The following WAC variants were observed in gnomAD, a reference collection of about 807,000 sequenced individuals.
WAC encodes WW domain-containing adapter protein with coiled-coil.
WAC carries 11 observed loss-of-function variants against 79.6 expected under a neutral mutation model. The ratio of observed to expected loss-of-function variants is 0.14; its 90% confidence interval spans 0.09 to 0.23. The LOEUF (loss-of-function observed/expected upper bound fraction) is 0.23. Ranked by LOEUF, WAC falls within the 10% of genes least tolerant of loss-of-function variation. The pLI is 1.00. For synonymous variants in WAC, 304 were observed against 276.9 expected, an observed-to-expected ratio of 1.10 and a Z score of -0.97; for missense variants, 728 against 773.5, an observed-to-expected ratio of 0.94 and a Z score of 0.70.
chr10:28,552,228 A>G (rs1199423590), intron 3 of WAC, among the ~76,000 whole-genome samples: 2 of 152,178 alleles, frequency 1.3e-5, no homozygotes, highest in African/African-American at 4.8e-5. Context: ...TGGTTTTTGA[A>G]AAGCCATCTT....
At chr10:28,585,787 T>A (rs1002665918) in intron 4 of WAC, among the ~76,000 whole-genome samples, 1 of 152,126 alleles carries the variant, frequency 6.6e-6, no homozygotes, top group African/African-American at 2.4e-5. Context: ...GTTTTTTTTT[T>A]ATTTTGTAAA....
chr10:28,619,588 GAAT>G lies in WAC; in HGVS notation c.1927_1929del (p.Asn643del). 2 of 1,577,464 alleles carry G rather than the reference GAAT, an allele frequency of 1.3e-6. No individual in the cohort carries two copies. The highest frequency in any genetic ancestry group is 1.7e-6 in the Non-Finnish European group (2 of 1,170,558). On this transcript the variant is annotated inframe_deletion, in exon 14 of 14. Transcript: ENST00000354911. Reference sequence around the variant, plus strand: ...AGGAACTTGAAAAGCTAAAAAATCAGAATTCCTTCATGGTGTGAAGATGTGAAT... The same window carrying G: ...AGGAACTTGAAAAGCTAAAAAATCAGTCCTTCATGGTGTGAAGATGTGAAT...
chr10:28,545,878 A>G (rs1056181065), intron 3 of WAC, among the ~76,000 whole-genome samples: 2 of 152,230 alleles, frequency 1.3e-5, no homozygotes, highest in African/African-American at 4.8e-5. Flanking sequence ...CATTTCCACC[A>G]TAACACCTCG....
At chr10:28,570,247 A>C (rs1230035801) in intron 3 of WAC, among the ~76,000 whole-genome samples, 15 of 152,244 alleles carry the variant, frequency 9.9e-5, no homozygotes, top group Admixed American at 3.9e-4. Context: ...AGGCTAGAGT[A>C]ATTTTAAAGT....
intron 3 of WAC, among the ~76,000 whole-genome samples, chr10:28,540,116 T>G (rs1299371474): frequency 1.3e-5 from 2 of 152,216 alleles, no homozygotes; most frequent in African/African-American, 4.8e-5. Context: ...GTTAGTAATG[T>G]TACAAATTAC....
At chr10:28,586,012 C>T (rs1839803076) in intron 4 of WAC, among the ~76,000 whole-genome samples, 1 of 152,126 alleles carries the variant, frequency 6.6e-6, no homozygotes, top group South Asian at 2.1e-4. Context: ...TTTTGTGTTT[C>T]TGGAATCCGC....
chr10:28,551,456 A>G (rs1195246619), intron 3 of WAC, among the ~76,000 whole-genome samples: 2 of 152,358 alleles, frequency 1.3e-5, no homozygotes, highest in Middle Eastern at 3.4e-3. Context: ...AGCTATTATA[A>G]TCGAGCAGTG....
intron 3 of WAC, among the ~76,000 whole-genome samples, chr10:28,552,323 G>T (rs1837724446): frequency 6.6e-6 from 1 of 152,178 alleles, no homozygotes; most frequent in Non-Finnish European, 1.5e-5. Flanking sequence ...GAATTTATCA[G>T]AATCAGGTGG....
intron 13 of WAC, 110 bp downstream of exon 13, chr10:28,617,894 T>TA (rs1436052589): frequency 8.0e-7 from 1 of 1,252,610 alleles, no homozygotes; most frequent in Non-Finnish European, 1.1e-6. Context: ...TTCTCTTCGA[T>TA]ACATTGATCA....
In WAC at chr10:28,617,779, G is replaced by A. The variant is rs1203977924; in HGVS notation, c.1869G>A (p.Glu623=). The A allele has an allele frequency of 3.2e-6, 5 of 1,582,432 alleles. No homozygotes were observed. Among genetic ancestry groups the A allele is most frequent in the Non-Finnish European group, 2.6e-6 (3 of 1,171,098 alleles). Reference sequence around the variant, plus strand: ...GTGAAATTCAAGCAACTTTGCGAGAGCAAAGGTAAGTCTTTCACTGAAATA... The same window carrying A: ...GTGAAATTCAAGCAACTTTGCGAGAACAAAGGTAAGTCTTTCACTGAAATA... The part of the protein sequence containing the change: ...RVCEIQATLR[E]QRILFLRQQI... The change falls in exon 13 of 14, where the codon GAG becomes GAA. Residue 623 remains glutamate (E), a synonymous_variant. Transcript: ENST00000354911.
rs556462209 is a variant in WAC, at chr10:28,567,523, A to T, written c.275-15876A>T. On this transcript the variant is annotated intron_variant, in intron 3 of 13. Coordinates refer to ENST00000354911, the MANE Select transcript of WAC (RefSeq NM_016628.5). ...TTACTCTGAAGGTTTACAGTATTTGATGAAGTCTCTTCTTAGAGATTACAC... is the reference window on the plus strand; with the variant it reads ...TTACTCTGAAGGTTTACAGTATTTGTTGAAGTCTCTTCTTAGAGATTACAC... Among the ~76,000 whole-genome samples, 12 of 152,298 alleles carry T rather than the reference A, an allele frequency of 7.9e-5. No homozygotes were observed. The East Asian group carries it at 2.1e-3, about 27-fold the overall frequency.
In WAC at chr10:28,535,532, CTCTTTTTTTGGGGG is replaced by C; in HGVS notation, c.79-29_79-16del. On this transcript the variant is annotated splice_polypyrimidine_tract_variant and intron_variant, in intron 2 of 13. Coordinates refer to ENST00000354911, the MANE Select transcript of WAC (RefSeq NM_016628.5). The stretch of plus-strand genomic sequence containing the variant: ...GGAGTTTAAGGTTTCAATTCTTTCT[CTCTTTTTTTGGGGG>C]GGTGATGTTTTACAGGCACTTAAGT... The C allele has an allele frequency of 6.6e-7, 1 of 1,524,988 alleles. No homozygotes were observed. The highest frequency in any genetic ancestry group is 1.3e-5 in the South Asian group (1 of 79,246). The allele number at this position is 1,524,988 out of a possible 1,614,324, so 94.5% of individuals were successfully genotyped here. A position where few individuals can be genotyped will look rare whatever the true frequency, so the allele number is the denominator to read the frequency against.
At position 28,622,264 on chromosome 10, in the gene WAC, C is replaced by T. The variant is rs1485054071; in HGVS notation, c.*2658C>T. ...TTAATACAAGGTATCCAGCTCCTAA[C>T]CTTAACTAGGGAATATCTATTAAAA... is the stretch of plus-strand genomic sequence containing the variant. On this transcript the variant is annotated 3_prime_UTR_variant, in exon 14 of 14. Coordinates refer to ENST00000354911, the MANE Select transcript of WAC (RefSeq NM_016628.5). 3 of 151,974 alleles carry T rather than the reference C, an allele frequency of 2.0e-5. No individual in the cohort carries two copies. The highest frequency in any genetic ancestry group is 4.8e-5 in the African/African-American group (2 of 41,362). The allele number at this position is 151,974 out of a possible 1,614,324, so 9.4% of individuals were successfully genotyped here. A position where few individuals can be genotyped will look rare whatever the true frequency, so the allele number is the denominator to read the frequency against.
At chr10:28,537,880 C>T (rs1227144176) in intron 3 of WAC, among the ~76,000 whole-genome samples, 6 of 152,088 alleles carry the variant, frequency 3.9e-5, no homozygotes, top group African/African-American at 4.8e-5. Flanking sequence ...GCTTCATTTG[C>T]AAGAAACTTG....
At chr10:28,533,957 C>G in intron 1 of WAC, 41 bp from the exon 2 acceptor site, 2 of 1,603,546 alleles carry the variant, frequency 1.2e-6, no homozygotes, top group Non-Finnish European at 1.7e-6. Flanking sequence ...CCCCCACCCG[C>G]GCCGTGTCTT....
At chr10:28,609,646 G>A (rs1164330470) in intron 8 of WAC, among the ~76,000 whole-genome samples, 2 of 152,120 alleles carry the variant, frequency 1.3e-5, no homozygotes, top group Non-Finnish European at 2.9e-5. Flanking sequence ...TCCAGCACTT[G>A]CTGAGGCTGG....
Position 28,614,012 on chromosome 10 carries a change from C to T in WAC, c.1438-555C>T, listed in dbSNP as rs188889071. Among the ~76,000 whole-genome samples the T allele has an allele frequency of 2.6e-3, 403 of 152,220 alleles. 2 individuals are homozygous for T. The highest frequency in any genetic ancestry group is 3.1e-3 in the Non-Finnish European group (212 of 68,008). On this transcript the variant is annotated intron_variant, in intron 10 of 13. Transcript: ENST00000354911. ...CATCCATATGTGTATGATGTGGTAGCATACATAATTTACTTTTATTGATAT... is the reference window on the plus strand; with the variant it reads ...CATCCATATGTGTATGATGTGGTAGTATACATAATTTACTTTTATTGATAT...
At chr10:28,589,105 T>G (rs1269757443) in intron 4 of WAC, 1 of 152,230 alleles carries the variant, frequency 6.6e-6, no homozygotes, top group Non-Finnish European at 1.5e-5. Context: ...CCTGAGAATT[T>G]TTGAAAGACC....
chr10:28,564,087 A>C (rs562291959), intron 3 of WAC, among the ~76,000 whole-genome samples: 1 of 151,948 alleles, frequency 6.6e-6, no homozygotes, highest in East Asian at 1.9e-4. Flanking sequence ...CAGGCTGGGC[A>C]ACTCCATCTT....
Sources: allele counts gnomAD v4.1 joint callset (sites outside exome capture counted in the v4.1 genomes callset), GRCh38; gene constraint gnomAD v4.1.1; transcripts MANE v1.5; gene names NCBI Gene and HGNC (gene_info 2026-07-23, HGNC 2026-07-21).